The following SGPP2 variants were observed in gnomAD, a reference collection of about 807,000 sequenced individuals.
The protein encoded by SGPP2 is sphingosine 1-phosphate phosphohydrolase 2.
Under a neutral mutation model 33.9 loss-of-function variants are expected in SGPP2, and 30 were observed. That is an observed-to-expected ratio of 0.89 (90% CI 0.66 to 1.20). The LOEUF is 1.20. Ranked by LOEUF, SGPP2 falls within the 50% of genes most tolerant of loss-of-function variation. The pLI is 0.00. For synonymous variants in SGPP2, 233 were observed against 225.0 expected, an observed-to-expected ratio of 1.04 and a Z score of -0.32; for missense variants, 458 against 532.1, an observed-to-expected ratio of 0.86 and a Z score of 1.37.
chr2:222,472,834 G>A (rs1417184266), intron 1 of SGPP2, among the ~76,000 whole-genome samples: 3 of 152,134 alleles, frequency 2.0e-5, no homozygotes, highest in South Asian at 2.1e-4. Flanking sequence ...GGCCAACTTG[G>A]CGAAACCCCG....
intron 1 of SGPP2, among the ~76,000 whole-genome samples, chr2:222,425,358 C>T (rs1040831609): frequency 1.3e-5 from 2 of 152,228 alleles, no homozygotes; most frequent in Non-Finnish European, 2.9e-5. Context: ...CCTCCCTGCA[C>T]TACCCCCGGC....
At chr2:222,450,581 G>A (rs1413860133) in intron 1 of SGPP2, among the ~76,000 whole-genome samples, 2 of 152,168 alleles carry the variant, frequency 1.3e-5, no homozygotes, top group African/African-American at 2.4e-5. Context: ...TCCAGGATCC[G>A]CAACTTCAGT....
At chr2:222,469,191 CT>C (rs1055375602) in intron 1 of SGPP2, among the ~76,000 whole-genome samples, 4 of 150,172 alleles carry the variant, frequency 2.7e-5, no homozygotes, top group East Asian at 3.9e-4. Flanking sequence ...CATTTTATTT[CT>C]TTTTTTTTTG....
At chr2:222,455,455 A>G (rs1272495421) in intron 1 of SGPP2, among the ~76,000 whole-genome samples, 8 of 152,178 alleles carry the variant, frequency 5.3e-5, no homozygotes, top group Admixed American at 5.2e-4. Flanking sequence ...GCAGTAAGCA[A>G]CGGCCAGAGT....
intron 4 of SGPP2, among the ~76,000 whole-genome samples, chr2:222,525,560 C>G (rs985902962): frequency 6.6e-6 from 1 of 152,160 alleles, no homozygotes; most frequent in African/African-American, 2.4e-5. Context: ...AAAGGTCCAT[C>G]CACCCTTTTA....
At chr2:222,519,847 G>T (rs944582019) in intron 2 of SGPP2, among the ~76,000 whole-genome samples, 2 of 152,116 alleles carry the variant, frequency 1.3e-5, no homozygotes, top group African/African-American at 4.8e-5. Context: ...ACATGATTTT[G>T]TTCTTTTTTA....
intron 1 of SGPP2, among the ~76,000 whole-genome samples, chr2:222,451,576 G>A (rs1228979202): frequency 6.6e-6 from 1 of 152,228 alleles, no homozygotes; most frequent in Non-Finnish European, 1.5e-5. Context: ...GTGAGGCACA[G>A]CCATCTCCAG....
chr2:222,500,020 C>T (rs1698343390), intron 2 of SGPP2, among the ~76,000 whole-genome samples: 1 of 152,170 alleles, frequency 6.6e-6, no homozygotes, highest in African/African-American at 2.4e-5. Flanking sequence ...AAGAATTATG[C>T]ATTAAGGCCA....
At chr2:222,441,209 C>A (rs1403898783) in intron 1 of SGPP2, among the ~76,000 whole-genome samples, 1 of 152,238 alleles carries the variant, frequency 6.6e-6, no homozygotes, top group Non-Finnish European at 1.5e-5. Flanking sequence ...TCAGTGGCTT[C>A]TTTCCCTGGC....
chr2:222,557,379 A>G (rs545567566), intron 4 of SGPP2, among the ~76,000 whole-genome samples: 25 of 152,310 alleles, frequency 1.6e-4, no homozygotes, highest in Non-Finnish European at 3.4e-4. Context: ...TGCCTTAGTG[A>G]TTATTTCTAA....
chr2:222,551,737 G>A (rs1435789096), intron 4 of SGPP2, among the ~76,000 whole-genome samples: 1 of 152,152 alleles, frequency 6.6e-6, no homozygotes, highest in Non-Finnish European at 1.5e-5. Flanking sequence ...CACTGAAGAT[G>A]AACAGAATTC....
intron 2 of SGPP2, among the ~76,000 whole-genome samples, chr2:222,500,457 T>C (rs1698350723): frequency 6.6e-6 from 1 of 152,220 alleles, no homozygotes; most frequent in Admixed American, 6.5e-5. Context: ...ACTCATTCTC[T>C]AGACTTTGGA....
chr2:222,520,634 G>T (rs539299460), intron 2 of SGPP2, among the ~76,000 whole-genome samples: 6 of 150,102 alleles, frequency 4.0e-5, no homozygotes, highest in African/African-American at 7.3e-5. Flanking sequence ...GGAGTCTGAC[G>T]CAAGAGAATT....
At chr2:222,528,013 G>A (rs1402980657) in intron 4 of SGPP2, among the ~76,000 whole-genome samples, 1 of 152,122 alleles carries the variant, frequency 6.6e-6, no homozygotes, top group African/African-American at 2.4e-5. Flanking sequence ...TACCTGACAT[G>A]ATGATATAGT....
intron 1 of SGPP2, chr2:222,452,783 G>A (rs1559147813): frequency 6.6e-7 from 1 of 1,517,214 alleles, no homozygotes; most frequent in African/African-American, 1.4e-5. Flanking sequence ...AGTAGAGGCT[G>A]GGGTAGGTAG....
chr2:222,450,096 A>G (rs979270175), intron 1 of SGPP2, among the ~76,000 whole-genome samples: 9 of 152,220 alleles, frequency 5.9e-5, no homozygotes, highest in African/African-American at 2.2e-4. Context: ...CACTTAAGAG[A>G]AACTAGAATA....
intron 2 of SGPP2, among the ~76,000 whole-genome samples, chr2:222,515,322 T>G (rs2106128454): frequency 6.6e-6 from 1 of 152,240 alleles, no homozygotes; most frequent in Non-Finnish European, 1.5e-5. Context: ...AGAAAAATAT[T>G]GAACCACTTT....
Position 222,435,195 on chromosome 2 carries a change from G to A in SGPP2, c.219+10374G>A, listed in dbSNP as rs543536943. The stretch of plus-strand genomic sequence containing the variant: ...AGCCAGTCTGAGTTCCAAAACTGAA[G>A]AACTTGGAGTCTAATGTTTGAGAGC... On this transcript the variant is annotated intron_variant, in intron 1 of 4. Coordinates refer to ENST00000321276, the MANE Select transcript of SGPP2 (RefSeq NM_152386.4). Among the ~76,000 whole-genome samples, 3 of 152,214 alleles carry A rather than the reference G, an allele frequency of 2.0e-5. No homozygotes were observed. In the East Asian group the frequency reaches 5.8e-4, roughly 29 times the overall value.
chr2:222,424,025 G>C (rs547168375), upstream of SGPP2, among the ~76,000 whole-genome samples: 1 of 152,238 alleles, frequency 6.6e-6, no homozygotes, highest in South Asian at 2.1e-4. Context: ...AAAGAACTTG[G>C]GAATTCTCCC....
Sources: gnomAD v4.1 joint callset for allele counts (sites outside exome capture counted in the v4.1 genomes callset) on GRCh38, gnomAD v4.1.1 for gene constraint, MANE v1.5 for transcripts, NCBI Gene and HGNC (gene_info 2026-07-23, HGNC 2026-07-21) for gene names.